TET3: variants seen among roughly 807,000 people sequenced by gnomAD.
TET3 encodes the protein tet methylcytosine dioxygenase 3.
Under a neutral mutation model 141.4 loss-of-function variants are expected in TET3, and 19 were observed. The ratio of observed to expected loss-of-function variants is 0.13; its 90% CI spans 0.09 to 0.20. The LOEUF (loss-of-function observed/expected upper bound fraction) is 0.20. Among genes scored for constraint, TET3 ranks in the 10% least tolerant of loss-of-function variants. TET3 has a pLI of 1.00. For missense variants in TET3, 1,874 were observed against 2,356.9 expected, an observed-to-expected ratio of 0.80 and a Z score of 4.24; for synonymous variants, 1,043 against 980.9, an observed-to-expected ratio of 1.06 and a Z score of -1.18.
intron 4 of TET3, among the ~76,000 whole-genome samples, chr2:74,061,198 C>T (rs1249281019): frequency 6.9e-6 from 1 of 144,142 alleles, no homozygotes; most frequent in Non-Finnish European, 1.5e-5. Context: ...GGGGGGCTGA[C>T]CCCCCCACCT....
intron 3 of TET3, among the ~76,000 whole-genome samples, chr2:74,016,644 C>G (rs1336018377): frequency 6.6e-6 from 1 of 151,950 alleles, no homozygotes; most frequent in African/African-American, 2.4e-5. Flanking sequence ...ATCGCTTGAG[C>G]CTGGGAAGCG....
chr2:74,007,891 G>A (rs1301572955), intron 3 of TET3, among the ~76,000 whole-genome samples: 2 of 152,170 alleles, frequency 1.3e-5, no homozygotes, highest in African/African-American at 4.8e-5. Flanking sequence ...CGAGTTTGCA[G>A]CTGCTGCACG....
At chr2:74,035,201 C>CAAAA (rs35642768) in intron 3 of TET3, among the ~76,000 whole-genome samples, 1 of 65,460 alleles carries the variant, frequency 1.5e-5, no homozygotes, top group African/African-American at 6.1e-5. Context: ...GACTCCGTCT[C>CAAAA]AAAAAAAAAA....
At chr2:74,032,486 T>TGCAAGAGGGGG (rs1686794926) in intron 3 of TET3, among the ~76,000 whole-genome samples, 1 of 89,870 alleles carries the variant, frequency 1.1e-5, no homozygotes, top group Non-Finnish European at 2.4e-5. Context: ...TGTGTGTGTG[T>TGCAAGAGGGGG]GTGTGTGTGT....
intron 4 of TET3, among the ~76,000 whole-genome samples, chr2:74,065,421 T>A (rs1688826247): frequency 6.6e-6 from 1 of 152,242 alleles, no homozygotes; most frequent in African/African-American, 2.4e-5. Context: ...TCTTTGGACA[T>A]ACCTCACCCC....
Position 74,093,425 on chromosome 2 carries a change from A to G in TET3, c.3130-104A>G, listed in dbSNP as rs954486203. 1 of 1,427,754 alleles carries G rather than the reference A, an allele frequency of 7.0e-7. No individual in the cohort carries two copies. The highest frequency in any genetic ancestry group is 9.3e-7 in the Non-Finnish European group (1 of 1,079,514). 88.4% of individuals were successfully genotyped at this position (1,427,754 alleles called of 1,614,324 possible). ...CCTGCAGTCGAAGGGCAAGGTGACT[A>G]TCATCCTTAACATCCCTCCTTCCAA... On this transcript the variant is annotated intron_variant, in intron 9 of 11. Coordinates refer to ENST00000409262, the MANE Select transcript of TET3 (RefSeq NM_001287491.2). This position sits in a 1 kb window ranked among gnomAD's most constrained non-coding sequence, Gnocchi z 4.2.
At chr2:74,119,498 C>T in the TET3 span, among the ~76,000 whole-genome samples, 2 of 152,104 alleles carry the variant, frequency 1.3e-5, no homozygotes, top group African/African-American at 4.8e-5. Flanking sequence ...GATGTGTGTT[C>T]TTCCTGTTCC....
chr2:74,061,713 C>G (rs1211885890), intron 4 of TET3, among the ~76,000 whole-genome samples: 1 of 137,344 alleles, frequency 7.3e-6, no homozygotes, highest in Non-Finnish European at 1.6e-5. Flanking sequence ...GGGCAGCTGC[C>G]GGGCGGAGGG....
rs772983764 is a variant in TET3, at chr2:74,087,672, T to C, written c.2680-158T>C. On this transcript the variant is annotated intron_variant, in intron 6 of 11. Coordinates refer to ENST00000409262, the MANE Select transcript of TET3 (RefSeq NM_001287491.2). This position sits in a 1 kb window ranked among gnomAD's most constrained non-coding sequence, Gnocchi z 4.3. ...TTCCCTATTTGTTCCCTAATAATGGTCTCTTAGCTTGTAAGGTTGCTGTCT... is the reference window on the plus strand; with the variant it reads ...TTCCCTATTTGTTCCCTAATAATGGCCTCTTAGCTTGTAAGGTTGCTGTCT... Among the ~76,000 whole-genome samples the C allele has an allele frequency of 2.6e-5, 4 of 152,132 alleles. No homozygotes were observed. Among genetic ancestry groups the C allele is most frequent in the Non-Finnish European group, 4.4e-5 (3 of 68,020 alleles).
At chr2:73,994,644 T>TCTTTCTTTC (rs1351573629) in intron 2 of TET3, among the ~76,000 whole-genome samples, 5 of 147,346 alleles carry the variant, frequency 3.4e-5, no homozygotes, top group African/African-American at 1.3e-4. Context: ...CTTTCTTTTT[T>TCTTTCTTTC]TTTTTTTTTT....
intron 3 of TET3, among the ~76,000 whole-genome samples, chr2:74,014,148 T>C (rs1460541894): frequency 1.3e-5 from 2 of 152,322 alleles, no homozygotes; most frequent in East Asian, 1.9e-4. Flanking sequence ...TGTAGTCTTA[T>C]ATAAATTGTC....
intron 3 of TET3, among the ~76,000 whole-genome samples, chr2:74,029,565 G>C (rs1427894306): frequency 6.6e-6 from 1 of 152,182 alleles, no homozygotes; most frequent in Non-Finnish European, 1.5e-5. Context: ...GATATACTCA[G>C]TCATCCCAGT....
intron 3 of TET3, among the ~76,000 whole-genome samples, chr2:74,042,352 G>T (rs1687382605): frequency 6.6e-6 from 1 of 152,240 alleles, no homozygotes; most frequent in African/African-American, 2.4e-5. Context: ...AGAAGGCAGT[G>T]TGGAGTGGGG....
chr2:74,030,326 T>C (rs1264193587), intron 3 of TET3, among the ~76,000 whole-genome samples: 1 of 152,224 alleles, frequency 6.6e-6, no homozygotes, highest in Non-Finnish European at 1.5e-5. Flanking sequence ...TCATACAGTA[T>C]GGTATTCTGC....
At chr2:74,075,575 C>T (rs1433016175) in intron 5 of TET3, among the ~76,000 whole-genome samples, 1 of 151,974 alleles carries the variant, frequency 6.6e-6, no homozygotes, top group African/African-American at 2.4e-5. Context: ...GTGATCTGCC[C>T]ACGTTGGCCT....
At chr2:74,124,514 G>C in the TET3 span, among the ~76,000 whole-genome samples, 1 of 152,254 alleles carries the variant, frequency 6.6e-6, no homozygotes, top group South Asian at 2.1e-4. Flanking sequence ...GTGGGGAAAA[G>C]AGATCAGATT....
chr2:74,102,562 T>C lies in TET3; in HGVS notation c.*386T>C, dbSNP rs1691290018. On this transcript the variant is annotated 3_prime_UTR_variant, in exon 12 of 12. Coordinates refer to ENST00000409262, the MANE Select transcript of TET3 (RefSeq NM_001287491.2). ...TTTATAGTATCCTTTCACAAAGGAG[T>C]AGTTTTAAATTCCATTTAAAATGTG... 1 of 156,236 alleles carries C rather than the reference T, an allele frequency of 6.4e-6. No homozygotes were observed. The highest frequency in any genetic ancestry group is 1.4e-5 in the Non-Finnish European group (1 of 71,134). 9.7% of individuals were successfully genotyped at this position (156,236 alleles called of 1,614,324 possible).
the TET3 span, chr2:74,121,774 G>C: frequency 6.6e-6 from 1 of 152,276 alleles, no homozygotes; most frequent in East Asian, 1.9e-4. Context: ...GAGGCAGGTG[G>C]ATCAGTCGAG....
intron 3 of TET3, among the ~76,000 whole-genome samples, chr2:74,033,406 C>G (rs1254248692): frequency 1.3e-5 from 2 of 152,178 alleles, no homozygotes; most frequent in African/African-American, 4.8e-5. Flanking sequence ...TGTACTTCCC[C>G]CATCATAAAA....
Sources: gnomAD v4.1 joint callset for allele counts (sites outside exome capture counted in the v4.1 genomes callset) on GRCh38, gnomAD v4.1.1 for gene constraint, Gnocchi (gnomAD v3.1) non-coding constraint, MANE v1.5 for transcripts, NCBI Gene and HGNC (gene_info 2026-07-23, HGNC 2026-07-21) for gene names.